Variants in TYW1B observed in about 807,000 individuals in gnomAD.
The protein encoded by TYW1B is tRNA-yW synthesizing protein 1 homolog B.
A neutral mutation model predicts 86.9 loss-of-function variants in TYW1B; 73 were observed. That is an observed-to-expected ratio of 0.84 (90% confidence interval 0.70 to 1.02). The LOEUF (loss-of-function observed/expected upper bound fraction) is 1.02, where lower values mean the gene tolerates loss of function less well. Among genes scored for constraint, TYW1B ranks in the 50% least tolerant of loss-of-function variants. The pLI is 0.00. For missense variants in TYW1B, 637 were observed against 827.4 expected, an observed-to-expected ratio of 0.77 and a Z score of 2.82; for synonymous variants, 248 against 292.8, an observed-to-expected ratio of 0.85 and a Z score of 1.56.
At chr7:72,730,314 C>A (rs1382638308) in intron 8 of TYW1B, among the ~76,000 whole-genome samples, 1 of 151,116 alleles carries the variant, frequency 6.6e-6, no homozygotes, top group African/African-American at 2.4e-5. Context: ...AGAGAATACA[C>A]ATAGACAATT....
At chr7:72,791,101 T>C (rs1490591570) in intron 6 of TYW1B, among the ~76,000 whole-genome samples, 1 of 152,216 alleles carries the variant, frequency 6.6e-6, no homozygotes, top group Non-Finnish European at 1.5e-5. Flanking sequence ...TCTCTTTTGA[T>C]AAAAGGGTCT....
At chr7:72,701,524 G>A (rs782523793) in intron 10 of TYW1B, among the ~76,000 whole-genome samples, 3 of 152,044 alleles carry the variant, frequency 2.0e-5, no homozygotes, top group Admixed American at 6.6e-5. Context: ...CCAGCCTCCC[G>A]AAGTGCTGGG....
intron 6 of TYW1B, among the ~76,000 whole-genome samples, chr7:72,800,945 T>A (rs1378299554): frequency 6.6e-6 from 1 of 152,190 alleles, no homozygotes; most frequent in Non-Finnish European, 1.5e-5. Context: ...AAACAAGGAA[T>A]GTCTTTCCAT....
intron 6 of TYW1B, among the ~76,000 whole-genome samples, chr7:72,798,525 C>CTTTTTT (rs1788349649): frequency 6.6e-6 from 1 of 152,116 alleles, no homozygotes; most frequent in Non-Finnish European, 1.5e-5. Flanking sequence ...ATATACCATG[C>CTTTTTT]TTTTTTCAAC....
chr7:72,810,680 A>G lies in TYW1B; in HGVS notation c.238-15T>C. Reference sequence around the variant, plus strand: ...TTACTAGTCACCTAACCAAGAAAGTAATTGTTTCAGTGGAACATACAAGGC... The same window carrying G: ...TTACTAGTCACCTAACCAAGAAAGTGATTGTTTCAGTGGAACATACAAGGC... On this transcript the variant is annotated splice_polypyrimidine_tract_variant and intron_variant, in intron 3 of 13. Transcript: ENST00000620995. 6.3e-7 allele frequency: 1 copy of G among 1,589,150 alleles called. No homozygotes were observed. The highest frequency in any genetic ancestry group is 1.1e-5 in the South Asian group (1 of 87,684).
chr7:72,604,061 A>G (rs1374101339), intron 13 of TYW1B, among the ~76,000 whole-genome samples: 8 of 152,180 alleles, frequency 5.3e-5, no homozygotes, highest in African/African-American at 1.4e-4. Context: ...CCACACCAAC[A>G]TAAGATGCTA....
At chr7:72,681,623 C>G (rs1163846778) in intron 11 of TYW1B, among the ~76,000 whole-genome samples, 1 of 123,698 alleles carries the variant, frequency 8.1e-6, no homozygotes, top group African/African-American at 3.1e-5. Flanking sequence ...GAGTTAGAGT[C>G]TCGCTCTGTC....
intron 10 of TYW1B, among the ~76,000 whole-genome samples, chr7:72,700,101 G>C (rs13233469): frequency 6.7e-6 from 1 of 148,476 alleles, no homozygotes; most frequent in Non-Finnish European, 1.5e-5. Flanking sequence ...CATGGGATAA[G>C]AGATTGTGAA....
chr7:72,585,143 A>G (rs1440798990), intron 13 of TYW1B, among the ~76,000 whole-genome samples: 1 of 152,236 alleles, frequency 6.6e-6, no homozygotes, highest in Non-Finnish European at 1.5e-5. Flanking sequence ...TGGGAGATCC[A>G]GTCACCTCAA....
rs781801843 is a variant in TYW1B, at chr7:72,697,031, TAAAAAAAAAAAAA to T, written c.1371-2222_1371-2210del. Among the ~76,000 whole-genome samples the T allele has an allele frequency of 6.5e-5, 9 of 137,964 alleles. No homozygotes were observed. In the East Asian group the frequency reaches 1.1e-3, roughly 18 times the overall value. 90.5% of individuals were successfully genotyped at this position (137,964 alleles called of 152,430 possible). A position where few individuals can be genotyped will look rare whatever the true frequency, so the allele number is the denominator to read the frequency against. On this transcript the variant is annotated intron_variant, in intron 10 of 13. Coordinates refer to ENST00000620995, the MANE Select transcript of TYW1B (RefSeq NM_001145440.3). The stretch of plus-strand genomic sequence containing the variant: ...ATGCTTCCTTAACTGGATTTCTACT[TAAAAAAAAAAAAA>T]AAAAAAAAAAAAAAAAAGGACTGTC...
chr7:72,593,753 C>T (rs12155279), intron 13 of TYW1B, among the ~76,000 whole-genome samples: 38 of 133,026 alleles, frequency 2.9e-4, no homozygotes, highest in Middle Eastern at 4.2e-3. Context: ...ACCCGGGAGG[C>T]GGAGCTTGCA....
intron 13 of TYW1B, among the ~76,000 whole-genome samples, chr7:72,612,758 A>AT (rs1161634059): frequency 3.3e-4 from 49 of 150,320 alleles, no homozygotes; most frequent in Admixed American, 6.7e-4. Flanking sequence ...TTATTTATTT[A>AT]TTTTTTTTTT....
At chr7:72,775,864 GAGATTCTA>G (rs1183713281) in intron 7 of TYW1B, among the ~76,000 whole-genome samples, 4 of 152,184 alleles carry the variant, frequency 2.6e-5, no homozygotes, top group Non-Finnish European at 5.9e-5. Flanking sequence ...GTAAATATGT[GAGATTCTA>G]AGATTCTAAG....
At chr7:72,619,408 G>A (rs1369999242) in intron 12 of TYW1B, among the ~76,000 whole-genome samples, 18 of 152,034 alleles carry the variant, frequency 1.2e-4, no homozygotes, top group Admixed American at 2.0e-4. Context: ...TTGGGAGGCC[G>A]AGGCGGGTGG....
chr7:72,684,572 A>C (rs1370114914), intron 11 of TYW1B, among the ~76,000 whole-genome samples: 1 of 152,152 alleles, frequency 6.6e-6, no homozygotes, highest in Admixed American at 6.6e-5. Flanking sequence ...ATGTTAAAAG[A>C]AGCTCTTCAG....
intron 6 of TYW1B, among the ~76,000 whole-genome samples, chr7:72,799,230 C>T (rs1554475189): frequency 7.1e-6 from 1 of 141,434 alleles, no homozygotes; most frequent in African/African-American, 2.7e-5. Flanking sequence ...ATGATCTCGG[C>T]TGACTGCAAC....
intron 8 of TYW1B, among the ~76,000 whole-genome samples, chr7:72,736,932 G>A (rs571589387): frequency 2.1e-3 from 322 of 152,174 alleles, no homozygotes; most frequent in African/African-American, 6.8e-3. Context: ...TCTTTTTGAG[G>A]CACAAGAATC....
intron 13 of TYW1B, among the ~76,000 whole-genome samples, chr7:72,582,026 C>T (rs1337113245): frequency 2.6e-5 from 4 of 151,970 alleles, no homozygotes; most frequent in African/African-American, 7.3e-5. Context: ...GCCTAGGCCT[C>T]CCAAAGTGCT....
chr7:72,700,730 G>A (rs1308872733), intron 10 of TYW1B, among the ~76,000 whole-genome samples: 9 of 152,078 alleles, frequency 5.9e-5, no homozygotes, highest in African/African-American at 2.2e-4. Flanking sequence ...TTCAGTGATA[G>A]TCTATTTGAT....
Sources: allele counts gnomAD v4.1 joint callset (sites outside exome capture counted in the v4.1 genomes callset), GRCh38; gene constraint gnomAD v4.1.1; transcripts MANE v1.5; gene names NCBI Gene and HGNC (gene_info 2026-07-23, HGNC 2026-07-21).